Variants in HIC1 observed in about 807,000 individuals in gnomAD.
HIC1 encodes HIC ZBTB transcriptional repressor 1, also known as hypermethylated in cancer 1 protein.
HIC1 carries 9 observed loss-of-function variants against 26.4 expected under a neutral mutation model. The ratio of observed to expected loss-of-function variants is 0.34; its 90% CI spans 0.21 to 0.59. The LOEUF (loss-of-function observed/expected upper bound fraction) is 0.59, where lower values mean the gene tolerates loss of function less well. HIC1 is among the 20% of genes least tolerant of loss of function. The probability of loss-of-function intolerance (pLI) is 0.82; values close to 1 mark genes in which losing one functional copy is unlikely to be tolerated. For synonymous variants in HIC1, 631 were observed against 523.1 expected (o/e 1.21, Z -2.81); for missense variants, 965 against 1,075.7 (o/e 0.90, Z 1.44).
Position 2,057,391 on chromosome 17 carries a change from C to G in HIC1, c.701C>G (p.Ala234Gly). 6.9e-7 allele frequency: 1 copy of G among 1,440,638 alleles called. No individual in the cohort carries two copies. Among genetic ancestry groups the G allele is most frequent in the East Asian group, 3.1e-5 (1 of 32,386 alleles). 89.2% of individuals were successfully genotyped at this position (1,440,638 alleles called of 1,614,324 possible). A position where few individuals can be genotyped will look rare whatever the true frequency, so the allele number is the denominator to read the frequency against. The change falls in exon 2 of 2, where the codon GCG becomes GGG. Residue 234 changes from alanine (A) to glycine (G), a missense_variant. Physicochemically the swap from Ala to Gly is moderately conservative, Grantham distance 60. Around this residue, in one of 6 missense-constraint regions of HIC1, gnomAD observed 526 missense variants for 525.0 expected, o/e 1.00. Coordinates refer to ENST00000619757, the MANE Select transcript of HIC1 (RefSeq NM_006497.4). The part of the protein sequence containing the change: ...DLSKKSPPGS[A>G]APERPLAERE... Reference sequence around the variant, plus strand: ...TCCAAGAAGAGCCCGCCGGGCTCCGCGGCGCCAGAGCGGCCGCTGGCTGAG... The same window carrying G: ...TCCAAGAAGAGCCCGCCGGGCTCCGGGGCGCCAGAGCGGCCGCTGGCTGAG...
rs540770401 is a variant in HIC1, at chr17:2,059,637, G to T, written c.*802G>T. On this transcript the variant is annotated 3_prime_UTR_variant, in exon 2 of 2. Coordinates refer to ENST00000619757, the MANE Select transcript of HIC1 (RefSeq NM_006497.4). ...CTTGTACACAGGCTCTTCCAGAGCC[G>T]CTTCCATTTTCTATACTCGAACCAA... 1 of 167,142 alleles carries T rather than the reference G, an allele frequency of 6.0e-6. No individual in the cohort carries two copies. The highest frequency in any genetic ancestry group is 2.1e-4 in the South Asian group (1 of 4,830). 10.4% of individuals were successfully genotyped at this position (167,142 alleles called of 1,614,324 possible). A position where few individuals can be genotyped will look rare whatever the true frequency, so the allele number is the denominator to read the frequency against.
intron 1 of HIC1, chr17:2,056,169 C>T (rs2067670434): frequency 4.3e-6 from 3 of 691,858 alleles, no homozygotes; most frequent in Non-Finnish European, 7.6e-6. Context: ...TTGACAGCCC[C>T]CGGCCAGGGC....
At position 2,056,744 on chromosome 17, in the gene HIC1, C is replaced by T; in HGVS notation, c.54C>T (p.Leu18=). 6.2e-7 allele frequency: 1 copy of T among 1,611,444 alleles called. No individual in the cohort carries two copies. The highest frequency in any genetic ancestry group is 8.5e-7 in the Non-Finnish European group (1 of 1,179,022). Reference sequence around the variant, plus strand: ...ACTCCAGGCAGCTGCTGCTGCAGCTCAACAACCAGCGCACCAAGGGCTTCT... The same window carrying T: ...ACTCCAGGCAGCTGCTGCTGCAGCTTAACAACCAGCGCACCAAGGGCTTCT... ...PGHSRQLLLQ[L]NNQRTKGFLC... Residue 18 remains leucine, a synonymous_variant, in exon 2 of 2, where the codon CTC becomes CTT. Transcript: ENST00000619757.
At chr17:2,056,208 C>G (rs913815918) in intron 1 of HIC1, 83 of 1,032,996 alleles carry the variant, frequency 8.0e-5, no homozygotes, top group Middle Eastern at 2.1e-4. Context: ...GCGCTCCCCT[C>G]CTCCGTATCA....
chr17:2,056,379 A>T (rs1215700611), intron 1 of HIC1: 1 of 1,606,002 alleles, frequency 6.2e-7, no homozygotes, highest in Non-Finnish European at 8.5e-7. Flanking sequence ...CTGCGCCTGA[A>T]CAGTTTTCTT....
chr17:2,058,853 C>A lies in HIC1; in HGVS notation c.*18C>A. 7.1e-7 allele frequency: 1 copy of A among 1,417,838 alleles called. No individual in the cohort carries two copies. 87.8% of individuals were successfully genotyped at this position (1,417,838 alleles called of 1,614,324 possible). A position where few individuals can be genotyped will look rare whatever the true frequency, so the allele number is the denominator to read the frequency against. On this transcript the variant is annotated 3_prime_UTR_variant, in exon 2 of 2. Coordinates refer to ENST00000619757, the MANE Select transcript of HIC1 (RefSeq NM_006497.4). ...CCACCTAGAGCGCCCCTCGCCAGCC[C>A]GCTCTGTCGCTGCTGCGCGGCCCTG... is the stretch of plus-strand genomic sequence containing the variant.
At position 2,055,526 on chromosome 17, in the gene HIC1, C is replaced by G. The variant is rs1040514947; in HGVS notation, c.-21+288C>G. Among the ~76,000 whole-genome samples, 11 of 150,906 alleles carry G rather than the reference C, an allele frequency of 7.3e-5. No individual in the cohort carries two copies. Among genetic ancestry groups the G allele is most frequent in the African/African-American group, 2.7e-4 (11 of 41,006 alleles). The stretch of plus-strand genomic sequence containing the variant: ...AGCTGGCGGGCGGGGCTGGCAGGGG[C>G]GCTGCCCTGGCACAGCTCGGGGCCT... On this transcript the variant is annotated intron_variant, in intron 1 of 1. Coordinates refer to ENST00000619757, the MANE Select transcript of HIC1 (RefSeq NM_006497.4). The surrounding 1 kb of genome is among the most constrained non-coding windows in gnomAD (Gnocchi z 6.4).
Position 2,058,190 on chromosome 17 carries a change from G to A in HIC1, c.1500G>A (p.Pro500=), listed in dbSNP as rs1298974683. The part of the protein sequence containing the change: ...CASCDKSYKD[P]ATLRQHEKTH... ...CGTGCGACAAGAGCTACAAGGACCC[G>A]GCCACGCTGCGGCAGCACGAGAAGA... The change falls in exon 2 of 2, where the codon CCG becomes CCA. Residue 500 remains proline (P), a synonymous_variant. Coordinates refer to ENST00000619757, the MANE Select transcript of HIC1 (RefSeq NM_006497.4). 6.2e-7 allele frequency: 1 copy of A among 1,611,210 alleles called. No individual in the cohort carries two copies. The highest frequency in any genetic ancestry group is 2.2e-5 in the East Asian group (1 of 44,864).
At chr17:2,056,153 C>T (rs554135468) in intron 1 of HIC1, 7 of 510,254 alleles carry the variant, frequency 1.4e-5, no homozygotes, top group Non-Finnish European at 2.4e-5. Flanking sequence ...GGGCCCCGAC[C>T]GAGGGTTGAC....
At position 2,061,284 on chromosome 17, in the gene HIC1, G is replaced by A. The variant is rs1489087028; in HGVS notation, c.*2449G>A. 1 of 541,600 alleles carries A rather than the reference G, an allele frequency of 1.8e-6. No individual in the cohort carries two copies. Among genetic ancestry groups the A allele is most frequent in the Non-Finnish European group, 3.3e-6 (1 of 306,088 alleles). 33.5% of individuals were successfully genotyped at this position (541,600 alleles called of 1,614,324 possible). ...CCTGCTAAATCCTGGCAGCCCAGGA[G>A]GGTCCCAGCAGCTTCCGCCCGATCC... On this transcript the variant is annotated 3_prime_UTR_variant, in exon 2 of 2. Transcript: ENST00000619757.
Position 2,058,568 on chromosome 17 carries a change from C to A in HIC1, c.1878C>A (p.Phe626Leu). The A allele has an allele frequency of 6.4e-7, 1 of 1,556,486 alleles. No homozygotes were observed. The highest frequency in any genetic ancestry group is 8.6e-7 in the Non-Finnish European group (1 of 1,158,938). Residue 626 changes from phenylalanine to leucine, a missense_variant, in exon 2 of 2, where the codon TTC becomes TTA. Transcript: ENST00000619757. ...CCGACGGCAAGGGCAAGCTCGACTT[C>A]CCCGAGGGCGTCTTTGCTGTGGCTC... ...PGPDGKGKLD[F>L]PEGVFAVARL... is the part of the protein sequence containing the mutation.
In HIC1 at chr17:2,058,504, C is replaced by T. The variant is rs1231649875; in HGVS notation, c.1814C>T (p.Ala605Val). 2 of 1,477,416 alleles carry T rather than the reference C, an allele frequency of 1.4e-6. No homozygotes were observed. Among genetic ancestry groups the T allele is most frequent in the Non-Finnish European group, 1.8e-6 (2 of 1,122,936 alleles). The allele number at this position is 1,477,416 out of a possible 1,614,324, so 91.5% of individuals were successfully genotyped here. The part of the protein sequence containing the change: ...AVGGAAGAAG[A>V]LAGLGGLPGV... ...GGGGGCGCGGCCGGCGCGGCCGGGGCGCTGGCGGGCTTGGGGGGGCTCCCC... is the reference window on the plus strand; with the variant it reads ...GGGGGCGCGGCCGGCGCGGCCGGGGTGCTGGCGGGCTTGGGGGGGCTCCCC... Residue 605 changes from alanine (A) to valine (V), a missense_variant, in exon 2 of 2, where the codon GCG (alanine) becomes GTG (valine). Ala to Val is a moderately conservative substitution (Grantham distance 64). Coordinates refer to ENST00000619757, the MANE Select transcript of HIC1 (RefSeq NM_006497.4).
rs1290054285 is a variant in HIC1, at chr17:2,062,488, T to A, written c.*3653T>A. On this transcript the variant is annotated 3_prime_UTR_variant, in exon 2 of 2. Coordinates refer to ENST00000619757, the MANE Select transcript of HIC1 (RefSeq NM_006497.4). ...CTATAGTGGCACAGATATCTTTCATTCTTTTTAGATGACTTTTTTTTTTTT... is the reference window on the plus strand; with the variant it reads ...CTATAGTGGCACAGATATCTTTCATACTTTTTAGATGACTTTTTTTTTTTT... 1 of 147,466 alleles carries A rather than the reference T, an allele frequency of 6.8e-6. No homozygotes were observed. The highest frequency in any genetic ancestry group is 1.5e-5 in the Non-Finnish European group (1 of 66,714). The allele number at this position is 147,466 out of a possible 1,614,324, so 9.1% of individuals were successfully genotyped here.
Position 2,061,471 on chromosome 17 carries a change from G to GT in HIC1, c.*2636_*2637insT, listed in dbSNP as rs2067773712. 6.4e-7 allele frequency: 1 copy of GT among 1,565,378 alleles called. No homozygotes were observed. ...CCTTTCAGGAACGGTTCCACGGGGG[G>GT]GGGGCCCCAGTGTGGCTCCCTCAGC... On this transcript the variant is annotated 3_prime_UTR_variant, in exon 2 of 2. Coordinates refer to ENST00000619757, the MANE Select transcript of HIC1 (RefSeq NM_006497.4).
Position 2,061,612 on chromosome 17 carries a change from G to A in HIC1, c.*2777G>A. On this transcript the variant is annotated 3_prime_UTR_variant, in exon 2 of 2. Transcript: ENST00000619757. ...ACAGCACCACCTCCCGCAGTAGCCG[G>A]ATTGGCTCCTCTGTGGGCATGAGAG... 6.4e-7 allele frequency: 1 copy of A among 1,572,058 alleles called. No homozygotes were observed. The highest frequency in any genetic ancestry group is 1.2e-5 in the South Asian group (1 of 85,830).
At position 2,058,311 on chromosome 17, in the gene HIC1, C is replaced by G; in HGVS notation, c.1621C>G (p.Leu541Val). Residue 541 changes from leucine (L) to valine (V), a missense_variant, in exon 2 of 2, where the codon CTC becomes GTC. Around this residue, in one of 6 missense-constraint regions of HIC1, gnomAD observed 45 missense variants for 119.9 expected, o/e 0.38. Transcript: ENST00000619757. ...GCGCCACATGCGCAGCCACCTGGGC[C>G]TCAAGCCCTTCGCGTGCGACGCGTG... The part of the protein sequence containing the change: ...MTRHMRSHLG[L>V]KPFACDACGM... 6.2e-7 allele frequency: 1 copy of G among 1,609,814 alleles called. No individual in the cohort carries two copies. Among genetic ancestry groups the G allele is most frequent in the Non-Finnish European group, 8.5e-7 (1 of 1,178,710 alleles).
In HIC1 at chr17:2,055,783, TC is replaced by T. The variant is rs529919466; in HGVS notation, c.-21+548del. ...CGAGGGCCTGGGGCCGGCGCACTCC[TC>T]CCGCCCTGTCTGCAGTTGGAAAACT... On this transcript the variant is annotated intron_variant, in intron 1 of 1. Transcript: ENST00000619757. The surrounding 1 kb of genome is among the most constrained non-coding windows in gnomAD (Gnocchi z 6.4). 2.6e-5 allele frequency among the ~76,000 whole-genome samples: 4 copies of T among 151,368 alleles called. No individual in the cohort carries two copies. In the South Asian group the frequency reaches 8.4e-4, roughly 32 times the overall value.
Position 2,058,891 on chromosome 17 carries a change from G to C in HIC1, c.*56G>C. 7.5e-7 allele frequency: 1 copy of C among 1,338,432 alleles called. No homozygotes were observed. The highest frequency in any genetic ancestry group is 9.7e-7 in the Non-Finnish European group (1 of 1,035,152). The allele number at this position is 1,338,432 out of a possible 1,614,324, so 82.9% of individuals were successfully genotyped here. On this transcript the variant is annotated 3_prime_UTR_variant, in exon 2 of 2. Transcript: ENST00000619757. ...CTGCGCGGCCCTGGCCCGCACCCCA[G>C]GGAGCGGCGGGGGCGGCGCGCAGGG...
At position 2,062,423 on chromosome 17, in the gene HIC1, T is replaced by C. The variant is rs900198606; in HGVS notation, c.*3588T>C. On this transcript the variant is annotated 3_prime_UTR_variant, in exon 2 of 2. Transcript: ENST00000619757. The stretch of plus-strand genomic sequence containing the variant: ...TTTTTTTCCTACAGCATCATGATCA[T>C]ATTAGCCACACTTTCAGAGTATATA... The C allele has an allele frequency of 2.0e-5, 3 of 152,208 alleles. No homozygotes were observed. The highest frequency in any genetic ancestry group is 7.2e-5 in the African/African-American group (3 of 41,454). 9.4% of individuals were successfully genotyped at this position (152,208 alleles called of 1,614,324 possible).
Sources: allele counts gnomAD v4.1 joint callset (sites outside exome capture counted in the v4.1 genomes callset), GRCh38; gene constraint gnomAD v4.1.1; regional missense constraint gnomAD v4.1.1; non-coding constraint Gnocchi (gnomAD v3.1); transcripts MANE v1.5; gene names NCBI Gene and HGNC (gene_info 2026-07-23, HGNC 2026-07-21).